Variants in CENPE observed in about 807,000 individuals in gnomAD.
The protein encoded by CENPE is centromere protein E, also known as centromere-associated protein E.
CENPE carries 145 observed loss-of-function variants against 336.1 expected under a neutral mutation model. The observed-to-expected ratio is 0.43, with a 90% CI of 0.38 to 0.50. The LOEUF is 0.50. Among genes scored for constraint, CENPE ranks in the 20% least tolerant of loss-of-function variants. The probability of loss-of-function intolerance (pLI) is 0.00; values close to 1 mark genes in which losing one functional copy is unlikely to be tolerated. For synonymous variants in CENPE, 1,013 were observed against 984.8 expected (o/e 1.03, Z -0.54); for missense variants, 2,719 against 3,023.3 (o/e 0.90, Z 2.36).
chr4:103,148,803 A>C, intron 28 of CENPE, 41 bp downstream of exon 28: 1 of 1,562,474 alleles, frequency 6.4e-7, no homozygotes. Context: ...AGGAGAAAGG[A>C]AGGAAGAAGT....
Position 103,109,106 on chromosome 4 carries a change from G to C in CENPE, c.7725-17C>G. ...TGATTATTGCTTAAATGTGGGGGAA[G>C]AAAAGAGAGACTGTAAGACTTCTTG... On this transcript the variant is annotated splice_polypyrimidine_tract_variant and intron_variant, in intron 47 of 48. Coordinates refer to ENST00000265148, the MANE Select transcript of CENPE (RefSeq NM_001813.3). 1.3e-6 allele frequency: 2 copies of C among 1,587,838 alleles called. No individual in the cohort carries two copies. The highest frequency in any genetic ancestry group is 2.7e-5 in the African/African-American group (2 of 73,536).
intron 8 of CENPE, among the ~76,000 whole-genome samples, chr4:103,190,222 G>A (rs1337912032): frequency 1.3e-5 from 2 of 152,162 alleles, no homozygotes; most frequent in African/African-American, 4.8e-5. Flanking sequence ...ACTGCCCAAG[G>A]TAATTTATAG....
At position 103,145,188 on chromosome 4, in the gene CENPE, C is replaced by T. The variant is rs756452676; in HGVS notation, c.4719G>A (p.Glu1573=). Residue 1573 remains glutamate (E), a synonymous_variant, in exon 32 of 49, where the codon GAG becomes GAA. Transcript: ENST00000265148. Reference sequence around the variant, plus strand: ...GACTTTCTTGAAGTCTGTTGGTCAACTCGAGCATCTTACTTTCTATACTTT... The same window carrying T: ...GACTTTCTTGAAGTCTGTTGGTCAATTCGAGCATCTTACTTTCTATACTTT... ...ALQSIESKML[E]LTNRLQESQE... 1 of 1,613,550 alleles carries T rather than the reference C, an allele frequency of 6.2e-7. No individual in the cohort carries two copies. Among genetic ancestry groups the T allele is most frequent in the Admixed American group, 1.7e-5 (1 of 59,984 alleles).
intron 8 of CENPE, among the ~76,000 whole-genome samples, chr4:103,191,687 C>T (rs1264931515): frequency 2.6e-5 from 4 of 151,754 alleles, no homozygotes; most frequent in Non-Finnish European, 2.9e-5. Context: ...GGAGATATAC[C>T]TAATGTAAAT....
intron 25 of CENPE, among the ~76,000 whole-genome samples, chr4:103,151,960 T>C (rs66869812): frequency 0.19 from 28,735 of 152,134 alleles, 2,823 homozygotes; most frequent in Middle Eastern, 0.31. Context: ...CCAAAACTTA[T>C]AAAATTAAAA....
chr4:103,139,743 T>C lies in CENPE; in HGVS notation c.6204+46A>G, dbSNP rs200309024. 88 of 1,476,302 alleles carry C rather than the reference T, an allele frequency of 6.0e-5. 1 individual carries two copies. In the African/African-American group the frequency reaches 1.2e-3, roughly 20 times the overall value. The allele number at this position is 1,476,302 out of a possible 1,614,324, so 91.5% of individuals were successfully genotyped here. A position where few individuals can be genotyped will look rare whatever the true frequency, so the allele number is the denominator to read the frequency against. On this transcript the variant is annotated intron_variant, in intron 38 of 48. Coordinates refer to ENST00000265148, the MANE Select transcript of CENPE (RefSeq NM_001813.3). ...CATTGTAATTCTTTTCAAAAAAGCT[T>C]AATTCTTATTAATAGTTACTACACA...
chr4:103,169,652 G>A (rs1755228822), intron 16 of CENPE, among the ~76,000 whole-genome samples: 1 of 152,124 alleles, frequency 6.6e-6, no homozygotes, highest in Admixed American at 6.5e-5. Context: ...TGGAGAGGAT[G>A]TGGAGAAATA....
intron 48 of CENPE, among the ~76,000 whole-genome samples, chr4:103,107,316 C>T (rs1231278152): frequency 6.6e-6 from 1 of 152,162 alleles, no homozygotes; most frequent in East Asian, 1.9e-4. Flanking sequence ...CTACCTATCT[C>T]CCTAAGAACA....
chr4:103,177,078 T>C (rs750095732), intron 13 of CENPE, 32 bp from the exon 14 acceptor site: 14 of 1,536,782 alleles, frequency 9.1e-6, no homozygotes, highest in South Asian at 8.3e-5. Flanking sequence ...TTATGTCATA[T>C]AGATCTGTAT....
In CENPE at chr4:103,144,348, T is replaced by C. The variant is rs755958435; in HGVS notation, c.5128A>G (p.Arg1710Gly). Residue 1710 changes from arginine to glycine, a missense_variant, in exon 33 of 49, where the codon AGA becomes GGA. Physicochemically the swap from Arg to Gly is moderately radical, Grantham distance 125. Around this residue, in one of 5 missense-constraint regions of CENPE, gnomAD observed 2,437 missense variants for 2,513.3 expected, o/e 0.97. Transcript: ENST00000265148. The stretch of plus-strand genomic sequence containing the variant: ...TAACTCACTCTAGTTATAGTTTCTC[T>C]AAGGTTTTCCTTGAGCTGGTCTCTC... ...VERDQLKENL[R>G]ETITRDLEKQ... The C allele has an allele frequency of 1.3e-5, 21 of 1,606,938 alleles. 2 individuals carry two copies. In the South Asian group the frequency reaches 2.4e-4, roughly 18 times the overall value.
intron 34 of CENPE, among the ~76,000 whole-genome samples, chr4:103,143,003 C>CAAAAAAAAAAAAA (rs1168385683): frequency 1.6e-5 from 1 of 62,976 alleles, no homozygotes; most frequent in Non-Finnish European, 3.1e-5. Context: ...GACTCTGTCT[C>CAAAAAAAAAAAAA]AAAAAAAAAA....
intron 33 of CENPE, among the ~76,000 whole-genome samples, chr4:103,144,020 T>C (rs1457226243): frequency 6.6e-6 from 1 of 152,120 alleles, no homozygotes; most frequent in Non-Finnish European, 1.5e-5. Flanking sequence ...CACTGCAACC[T>C]CCGCCTCCTG....
rs1395598913 is a variant in CENPE, at chr4:103,177,058, G to T, written c.1243-12C>A. The T allele has an allele frequency of 1.3e-6, 2 of 1,593,224 alleles. No individual in the cohort carries two copies. Among genetic ancestry groups the T allele is most frequent in the South Asian group, 1.1e-5 (1 of 87,884 alleles). ...CGTTTTCTTTTAGCCTAAAGAAGAA[G>T]AAATCAAAATTATGTCATATAGATC... On this transcript the variant is annotated splice_polypyrimidine_tract_variant and intron_variant, in intron 13 of 48. Transcript: ENST00000265148.
chr4:103,143,388 C>T lies in CENPE; in HGVS notation c.5164G>A (p.Glu1722Lys). 1 of 1,600,950 alleles carries T rather than the reference C, an allele frequency of 6.2e-7. No individual in the cohort carries two copies. Among genetic ancestry groups the T allele is most frequent in the Non-Finnish European group, 8.5e-7 (1 of 1,169,914 alleles). The change falls in exon 34 of 49, where the codon GAG (glutamate) becomes AAG (lysine). Residue 1722 changes from glutamate to lysine, a missense_variant. Around this residue, in one of 5 missense-constraint regions of CENPE, gnomAD observed 2,437 missense variants for 2,513.3 expected, o/e 0.97. Transcript: ENST00000265148. ...TITRDLEKQE[E>K]LKIVHMHLKE... is the part of the protein sequence containing the mutation. ...AGATGCATGTGAACAATTTTTAGCT[C>T]CTCTTGTTTTTCTAGGTCCTTTATC...
chr4:103,180,852 A>C (rs1756269250), intron 12 of CENPE, among the ~76,000 whole-genome samples: 1 of 152,190 alleles, frequency 6.6e-6, no homozygotes, highest in African/African-American at 2.4e-5. Flanking sequence ...AGCTCATTTT[A>C]AAAAAGATCC....
chr4:103,171,133 A>C (rs1477245704), intron 16 of CENPE, among the ~76,000 whole-genome samples: 1 of 152,144 alleles, frequency 6.6e-6, no homozygotes, highest in Non-Finnish European at 1.5e-5. Context: ...ACAGAAAATC[A>C]ACAAAGAAAT....
chr4:103,127,514 G>A (rs1432273996), intron 42 of CENPE, among the ~76,000 whole-genome samples: 1 of 152,024 alleles, frequency 6.6e-6, no homozygotes, highest in African/African-American at 2.4e-5. Flanking sequence ...AAGAAAGGAA[G>A]AGCACAAGAG....
At chr4:103,173,630 T>TTTGCAATATTTGCAGAAATAGTTGCAA (rs1212496499) in intron 16 of CENPE, among the ~76,000 whole-genome samples, 1 of 151,440 alleles carries the variant, frequency 6.6e-6, no homozygotes, top group Non-Finnish European at 1.5e-5. Flanking sequence ...TTGCAAAATA[T>TTTGCAATATTTGCAGAAATAGTTGCAA]ACATCTGACA....
intron 16 of CENPE, among the ~76,000 whole-genome samples, chr4:103,169,801 A>G (rs974217687): frequency 6.6e-6 from 1 of 152,220 alleles, no homozygotes; most frequent in Non-Finnish European, 1.5e-5. Flanking sequence ...CCAAAGGATT[A>G]TAAATCATTC....
Sources: gnomAD v4.1 joint callset for allele counts (sites outside exome capture counted in the v4.1 genomes callset) on GRCh38, gnomAD v4.1.1 for gene constraint, gnomAD v4.1.1 regional missense constraint, MANE v1.5 for transcripts, NCBI Gene and HGNC (gene_info 2026-07-23, HGNC 2026-07-21) for gene names.